Variants in CAVIN2 observed in about 807,000 individuals in gnomAD.
CAVIN2 encodes caveolae-associated protein 2.
Under a neutral mutation model 11.7 loss-of-function variants are expected in CAVIN2, and 13 were observed. The ratio of observed to expected loss-of-function variants is 1.11; its 90% confidence interval spans 0.72 to 1.77. The LOEUF is 1.77. CAVIN2 is among the 40% of genes most tolerant of loss of function. The pLI is 0.00. For missense variants in CAVIN2, 549 were observed against 542.9 expected, an observed-to-expected ratio of 1.01 and a Z score of -0.11; for synonymous variants, 237 against 223.2, an observed-to-expected ratio of 1.06 and a Z score of -0.55.
chr2:191,840,507 A>G (rs972525108), intron 1 of CAVIN2, among the ~76,000 whole-genome samples: 3 of 152,222 alleles, frequency 2.0e-5, no homozygotes, highest in African/African-American at 7.2e-5. Context: ...GCACACTTCA[A>G]ACATATATGA....
In CAVIN2 at chr2:191,836,383, T is replaced by A. The variant is rs1329786318; in HGVS notation, c.818A>T (p.Lys273Ile). 19 of 1,614,054 alleles carry A rather than the reference T, an allele frequency of 1.2e-5. No individual in the cohort carries two copies. The highest frequency in any genetic ancestry group is 1.6e-5 in the Non-Finnish European group (19 of 1,180,032). The stretch of plus-strand genomic sequence containing the variant: ...TTTCTGGTGATTTGACGTGAGAGAT[T>A]TCTTAATCTTCTCTCTCCTCTCTAC... ...VSVERREKIK[K>I]SLTSNHQKIS... Residue 273 changes from lysine to isoleucine, a missense_variant, in exon 2 of 2, where the codon AAA becomes ATA. Physicochemically the swap from Lys to Ile is moderately radical, Grantham distance 102 (BLOSUM62 -3). Coordinates refer to ENST00000304141, the MANE Select transcript of CAVIN2 (RefSeq NM_004657.6).
chr2:191,841,422 A>G (rs1263977957), intron 1 of CAVIN2, among the ~76,000 whole-genome samples: 1 of 152,222 alleles, frequency 6.6e-6, no homozygotes, highest in African/African-American at 2.4e-5. Context: ...ATTCAATTCT[A>G]TAATCTCTAT....
chr2:191,837,383 G>C (rs963338598), intron 1 of CAVIN2, among the ~76,000 whole-genome samples: 7 of 152,158 alleles, frequency 4.6e-5, no homozygotes, highest in African/African-American at 1.7e-4. Context: ...ATATCCTTTG[G>C]GGAGTTACTA....
At position 191,834,679 on chromosome 2, in the gene CAVIN2, T is replaced by C. The variant is rs1403188604; in HGVS notation, c.*1244A>G. On this transcript the variant is annotated 3_prime_UTR_variant, in exon 2 of 2. Coordinates refer to ENST00000304141, the MANE Select transcript of CAVIN2 (RefSeq NM_004657.6). ...AAATTACCCTGTCTGAATATATGTG[T>C]ACATATACATAAAACGCTAGCATGC... 7 of 152,178 alleles carry C rather than the reference T, an allele frequency of 4.6e-5. No individual in the cohort carries two copies. The allele number at this position is 152,178 out of a possible 1,614,324, so 9.4% of individuals were successfully genotyped here. A position where few individuals can be genotyped will look rare whatever the true frequency, so the allele number is the denominator to read the frequency against.
chr2:191,845,030 C>G (rs949217439), intron 1 of CAVIN2, among the ~76,000 whole-genome samples: 1 of 152,138 alleles, frequency 6.6e-6, no homozygotes, highest in Non-Finnish European at 1.5e-5. Context: ...GGCTTGAGAG[C>G]TGAGATTTCT....
chr2:191,842,271 A>G (rs1353585899), intron 1 of CAVIN2, among the ~76,000 whole-genome samples: 1 of 152,142 alleles, frequency 6.6e-6, no homozygotes, highest in Non-Finnish European at 1.5e-5. Context: ...CAGTTTCCCA[A>G]TTTTATGTGG....
chr2:191,841,068 G>A (rs750058567), intron 1 of CAVIN2, among the ~76,000 whole-genome samples: 1 of 152,028 alleles, frequency 6.6e-6, no homozygotes, highest in African/African-American at 2.4e-5. Flanking sequence ...GTGTTTCTGA[G>A]GTATGGATTG....
chr2:191,838,662 T>G (rs1241960335), intron 1 of CAVIN2, among the ~76,000 whole-genome samples: 1 of 152,226 alleles, frequency 6.6e-6, no homozygotes, highest in South Asian at 2.1e-4. Context: ...CAAGCACTGC[T>G]TTCCCGTGTT....
chr2:191,837,014 A>G (rs1269555579), intron 1 of CAVIN2, among the ~76,000 whole-genome samples: 1 of 152,224 alleles, frequency 6.6e-6, no homozygotes, highest in African/African-American at 2.4e-5. Context: ...GAAGCTGCCT[A>G]GATAACAGAG....
At chr2:191,837,397 G>A (rs570223216) in intron 1 of CAVIN2, among the ~76,000 whole-genome samples, 3 of 152,164 alleles carry the variant, frequency 2.0e-5, no homozygotes, top group Non-Finnish European at 2.9e-5. Context: ...GTTACTAAGC[G>A]GAGGTGAGAT....
intron 1 of CAVIN2, among the ~76,000 whole-genome samples, chr2:191,840,686 A>C (rs181504294): frequency 1.3e-5 from 2 of 152,236 alleles, no homozygotes; most frequent in Non-Finnish European, 2.9e-5. Context: ...TTTGAAGCTC[A>C]TGGAAGCAAA....
chr2:191,842,874 A>G (rs1403984786), intron 1 of CAVIN2, among the ~76,000 whole-genome samples: 1 of 152,230 alleles, frequency 6.6e-6, no homozygotes, highest in Non-Finnish European at 1.5e-5. Context: ...ATTAAGGACA[A>G]AGTTTGGAAT....
intron 1 of CAVIN2, among the ~76,000 whole-genome samples, chr2:191,845,570 T>C (rs570061872): frequency 1.3e-5 from 2 of 152,322 alleles, no homozygotes; most frequent in East Asian, 3.9e-4. Context: ...AGGGCTGCCC[T>C]GGGATTCACA....
In CAVIN2 at chr2:191,836,398, C is replaced by T. The variant is rs2105734662; in HGVS notation, c.803G>A (p.Arg268Lys). The change falls in exon 2 of 2, where the codon AGA (arginine) becomes AAA (lysine). Residue 268 changes from arginine to lysine, a missense_variant. By Grantham distance (26) the Arg-to-Lys change is conservative (BLOSUM62 2). Transcript: ENST00000304141. ...LGTKIVSVER[R>K]EKIKKSLTSN... ...CGTGAGAGATTTCTTAATCTTCTCT[C>T]TCCTCTCTACAGATACGATCTTTGT... 6.2e-7 allele frequency: 1 copy of T among 1,614,192 alleles called. No homozygotes were observed. Among genetic ancestry groups the T allele is most frequent in the Non-Finnish European group, 8.5e-7 (1 of 1,180,036 alleles).
chr2:191,846,336 C>T (rs1453905481), intron 1 of CAVIN2, 107 bp downstream of exon 1: 1 of 1,342,330 alleles, frequency 7.4e-7, no homozygotes, highest in Non-Finnish European at 1.0e-6. Flanking sequence ...TGTGTGATCC[C>T]TGACAGGCAG....
At chr2:191,840,311 G>T (rs1397581484) in intron 1 of CAVIN2, among the ~76,000 whole-genome samples, 2 of 152,162 alleles carry the variant, frequency 1.3e-5, no homozygotes, top group African/African-American at 4.8e-5. Context: ...TCCTGAAAAT[G>T]GCACTAGGAA....
chr2:191,835,655 G>T lies in CAVIN2; in HGVS notation c.*268C>A. 2.3e-6 allele frequency: 1 copy of T among 429,222 alleles called. No homozygotes were observed. The highest frequency in any genetic ancestry group is 3.4e-5 in the East Asian group (1 of 29,024). 26.6% of individuals were successfully genotyped at this position (429,222 alleles called of 1,614,324 possible). On this transcript the variant is annotated 3_prime_UTR_variant, in exon 2 of 2. Transcript: ENST00000304141. Reference sequence around the variant, plus strand: ...TTTTCTGACTAAGTCAAAGAGATTAGCATTTTTCAACTGCTCAGTTTCTTC... The same window carrying T: ...TTTTCTGACTAAGTCAAAGAGATTATCATTTTTCAACTGCTCAGTTTCTTC...
At chr2:191,837,972 C>T (rs1690045361) in intron 1 of CAVIN2, among the ~76,000 whole-genome samples, 1 of 152,184 alleles carries the variant, frequency 6.6e-6, no homozygotes, top group Non-Finnish European at 1.5e-5. Flanking sequence ...TAGCAGCTTT[C>T]ATACTGCACT....
chr2:191,846,756 G>A lies in CAVIN2; in HGVS notation c.170C>T (p.Thr57Met). 1.2e-6 allele frequency: 2 copies of A among 1,614,194 alleles called. No individual in the cohort carries two copies. Among genetic ancestry groups the A allele is most frequent in the Non-Finnish European group, 8.5e-7 (1 of 1,180,040 alleles). The change falls in exon 1 of 2, where the codon ACG (threonine) becomes ATG (methionine). Residue 57 changes from threonine (T) to methionine (M), a missense_variant. Transcript: ENST00000304141. ...IRDNSQVNAV[T>M]VLTLLDKLVN... ...CAGCTTGTCCAGGAGCGTGAGCACC[G>A]TGACTGCGTTCACCTGTGAGTTGTC...
Sources: allele counts gnomAD v4.1 joint callset (sites outside exome capture counted in the v4.1 genomes callset), GRCh38; gene constraint gnomAD v4.1.1; transcripts MANE v1.5; gene names NCBI Gene and HGNC (gene_info 2026-07-23, HGNC 2026-07-21).